Variants in RERE observed in about 807,000 individuals in gnomAD.
RERE encodes the protein arginine-glutamic acid dipeptide repeats protein.
Under a neutral mutation model 146.1 loss-of-function variants are expected in RERE, and 40 were observed. That is an observed-to-expected ratio of 0.27 (90% CI 0.21 to 0.36). The LOEUF is 0.36. RERE is among the 10% of genes least tolerant of loss of function. RERE has a pLI of 1.00. For synonymous variants in RERE, 1,003 were observed against 866.0 expected, an observed-to-expected ratio of 1.16 and a Z score of -2.78; for missense variants, 1,933 against 2,138.7, an observed-to-expected ratio of 0.90 and a Z score of 1.90.
chr1:8,517,190 TA>T (rs1211384577), intron 7 of RERE, among the ~76,000 whole-genome samples: 2 of 151,988 alleles, frequency 1.3e-5, no homozygotes, highest in Non-Finnish European at 2.9e-5. Flanking sequence ...TTTAAAGTTT[TA>T]AAAAAGTCAA....
intron 1 of RERE, among the ~76,000 whole-genome samples, chr1:8,658,664 G>A (rs1162451035): frequency 6.6e-6 from 1 of 151,972 alleles, no homozygotes. Flanking sequence ...GGCTGAGTTA[G>A]GAGAACCGCT....
At chr1:8,510,166 C>T (rs945158851) in intron 7 of RERE, among the ~76,000 whole-genome samples, 4 of 152,226 alleles carry the variant, frequency 2.6e-5, no homozygotes, top group East Asian at 1.9e-4. Context: ...CTCCAGCTGG[C>T]GAGGCAGCAT....
At chr1:8,499,185 G>A (rs965676684) in intron 8 of RERE, among the ~76,000 whole-genome samples, 2 of 152,246 alleles carry the variant, frequency 1.3e-5, no homozygotes, top group African/African-American at 4.8e-5. Context: ...ATGGGCACAT[G>A]AGTCTGATAG....
chr1:8,504,269 G>A (rs1457617186), intron 8 of RERE, among the ~76,000 whole-genome samples: 2 of 152,078 alleles, frequency 1.3e-5, no homozygotes, highest in Non-Finnish European at 2.9e-5. Context: ...TATAAGGTGA[G>A]GCAGTAAAAT....
chr1:8,655,769 CAA>C (rs151112003), intron 2 of RERE, among the ~76,000 whole-genome samples: 5,218 of 152,280 alleles, frequency 0.034, 125 homozygotes, highest in African/African-American at 0.059. Flanking sequence ...AACCAGGACA[CAA>C]GAGCAAATTA....
chr1:8,758,723 G>A (rs990062476), intron 1 of RERE, among the ~76,000 whole-genome samples: 1 of 151,882 alleles, frequency 6.6e-6, no homozygotes. Flanking sequence ...GGGGAAATGT[G>A]AGTCAAAGGA....
At chr1:8,462,633 G>A (rs74049644) in intron 11 of RERE, among the ~76,000 whole-genome samples, 4,259 of 152,320 alleles carry the variant, frequency 0.028, 173 homozygotes, top group African/African-American at 0.096. Flanking sequence ...TCACAGAGCA[G>A]CTGCTTCAAA....
At chr1:8,749,042 A>G (rs1557519439) in intron 1 of RERE, among the ~76,000 whole-genome samples, 1 of 152,200 alleles carries the variant, frequency 6.6e-6, no homozygotes, top group Non-Finnish European at 1.5e-5. Context: ...CTTTACAAGC[A>G]TTTAATTATC....
intron 12 of RERE, among the ~76,000 whole-genome samples, chr1:8,403,270 T>G (rs1476791591): frequency 6.6e-6 from 1 of 152,188 alleles, no homozygotes; most frequent in Non-Finnish European, 1.5e-5. Flanking sequence ...AGAATTTTGT[T>G]GTCTCTTTTG....
intron 7 of RERE, among the ~76,000 whole-genome samples, chr1:8,534,672 G>A (rs993707298): frequency 2.6e-5 from 4 of 151,872 alleles, no homozygotes; most frequent in Non-Finnish European, 4.4e-5. Context: ...CCATTATTCC[G>A]CTAAATAAAT....
intron 1 of RERE, among the ~76,000 whole-genome samples, chr1:8,731,429 C>T (rs999779922): frequency 1.3e-5 from 2 of 152,184 alleles, no homozygotes; most frequent in Non-Finnish European, 2.9e-5. Flanking sequence ...ACTCAACTCC[C>T]TCTTGCCTTC....
intron 13 of RERE, 63 bp downstream of exon 13, chr1:8,365,749 T>A: frequency 1.3e-6 from 2 of 1,577,978 alleles, no homozygotes; most frequent in Non-Finnish European, 8.7e-7. Flanking sequence ...GGGCCCAGAG[T>A]GGGACAGGCT....
chr1:8,778,364 C>T (rs994847001), intron 1 of RERE, among the ~76,000 whole-genome samples: 4 of 152,158 alleles, frequency 2.6e-5, no homozygotes, highest in Admixed American at 6.6e-5. Context: ...CTAGTGAAAA[C>T]GTTCTTTACT....
chr1:8,649,744 A>G (rs1222185458), intron 2 of RERE, among the ~76,000 whole-genome samples: 1 of 152,000 alleles, frequency 6.6e-6, no homozygotes, highest in East Asian at 1.9e-4. Flanking sequence ...AAAAAAAAAA[A>G]AATGTATATA....
At chr1:8,642,210 G>A (rs1647189893) in intron 2 of RERE, among the ~76,000 whole-genome samples, 2 of 152,086 alleles carry the variant, frequency 1.3e-5, no homozygotes, top group African/African-American at 4.8e-5. Flanking sequence ...TCTGAGTTCC[G>A]CACCTATGTG....
intron 1 of RERE, among the ~76,000 whole-genome samples, chr1:8,723,152 C>G (rs547438809): frequency 2.0e-4 from 31 of 152,256 alleles, no homozygotes; most frequent in African/African-American, 7.5e-4. Flanking sequence ...AGCCATCCAT[C>G]ACCAAAATGG....
chr1:8,596,309 A>G (rs1646554707), intron 4 of RERE, among the ~76,000 whole-genome samples: 2 of 152,194 alleles, frequency 1.3e-5, no homozygotes, highest in Non-Finnish European at 2.9e-5. Context: ...TCTGCCTCAT[A>G]AACACTTTGC....
chr1:8,688,609 G>A (rs949941951), intron 1 of RERE, among the ~76,000 whole-genome samples: 1 of 152,032 alleles, frequency 6.6e-6, no homozygotes, highest in African/African-American at 2.4e-5. Context: ...CAGGCATAGT[G>A]GCACACACCT....
intron 4 of RERE, among the ~76,000 whole-genome samples, chr1:8,587,590 T>A (rs1646441344): frequency 6.6e-6 from 1 of 152,106 alleles, no homozygotes; most frequent in African/African-American, 2.4e-5. Context: ...TTGCTCTATC[T>A]CTAATCTTTC....
Sources: allele counts gnomAD v4.1 joint callset (sites outside exome capture counted in the v4.1 genomes callset), GRCh38; gene constraint gnomAD v4.1.1; transcripts MANE v1.5; gene names NCBI Gene and HGNC (gene_info 2026-07-23, HGNC 2026-07-21).